The following ERCC3 variants were observed in gnomAD, a reference collection of about 807,000 sequenced individuals.
ERCC3 encodes the protein general transcription and DNA repair factor IIH helicase/translocase subunit XPB.
In ERCC3, 66 loss-of-function variants were observed where a neutral mutation model predicts 94.2. That is an observed-to-expected ratio of 0.70 (90% CI 0.57 to 0.86). The LOEUF is 0.86. ERCC3 is among the 40% of genes least tolerant of loss of function. The probability of loss-of-function intolerance (pLI) is 0.00; values close to 1 mark genes in which losing one functional copy is unlikely to be tolerated. For synonymous variants in ERCC3, 349 were observed against 369.1 expected (o/e 0.95, Z 0.63); for missense variants, 829 against 987.1 (o/e 0.84, Z 2.15).
Position 127,289,717 on chromosome 2 carries a change from A to T in ERCC3, c.629T>A (p.Ile210Asn). 1 of 1,614,112 alleles carries T rather than the reference A, an allele frequency of 6.2e-7. No homozygotes were observed. Residue 210 changes from isoleucine (I) to asparagine (N), a missense_variant, in exon 5 of 15, where the codon ATC becomes AAC. Ile to Asn is a moderately radical substitution (Grantham distance 149). Coordinates refer to ENST00000285398, the MANE Select transcript of ERCC3 (RefSeq NM_000122.2). ...RNSEGEATEL[I>N]TETFTSKSAI... ...AGATTTGCTTGTGAAAGTCTCTGTGATGAGCTCAGTGGCCTCCCCTTCAGA... is the reference window on the plus strand; with the variant it reads ...AGATTTGCTTGTGAAAGTCTCTGTGTTGAGCTCAGTGGCCTCCCCTTCAGA...
intron 12 of ERCC3, among the ~76,000 whole-genome samples, chr2:127,269,396 G>GT: frequency 6.8e-6 from 1 of 147,678 alleles, no homozygotes; most frequent in South Asian, 2.2e-4. Flanking sequence ...AGTGTTTTGA[G>GT]TAAGAAAACA....
In ERCC3 at chr2:127,279,956, T is replaced by C. The variant is rs73953302; in HGVS notation, c.1527+491A>G. Among the ~76,000 whole-genome samples the C allele has an allele frequency of 6.0e-4, 92 of 152,302 alleles. No homozygotes were observed. The highest frequency in any genetic ancestry group is 2.0e-3 in the African/African-American group (82 of 41,554). ...CAAGTGTGCGAAACCAGATTCTCAA[T>C]TGGTAGTGTCAGCAATTCTTCCATT... On this transcript the variant is annotated intron_variant, in intron 9 of 14. Transcript: ENST00000285398. This position sits in a 1 kb window ranked among gnomAD's most constrained non-coding sequence, Gnocchi z 4.7.
rs1040452471 is a variant in ERCC3 at position 127,289,897 on chromosome 2, T to C, written c.522-73A>G. 15 of 1,531,212 alleles carry C rather than the reference T, an allele frequency of 9.8e-6. No homozygotes were observed. The African/African-American group carries it at 1.9e-4, about 19-fold the overall frequency. The allele number at this position is 1,531,212 out of a possible 1,614,324, so 94.9% of individuals were successfully genotyped here. A position where few individuals can be genotyped will look rare whatever the true frequency, so the allele number is the denominator to read the frequency against. Reference sequence around the variant, plus strand: ...CTGGAGATTCCACTGCTCATTCAATTAGATGGTCTGGAAATACAAGCCTCA... The same window carrying C: ...CTGGAGATTCCACTGCTCATTCAATCAGATGGTCTGGAAATACAAGCCTCA... On this transcript the variant is annotated intron_variant, in intron 4 of 14. Coordinates refer to ENST00000285398, the MANE Select transcript of ERCC3 (RefSeq NM_000122.2).
Position 127,271,218 on chromosome 2 carries a change from T to C in ERCC3, c.1945+118A>G, listed in dbSNP as rs896885126. 1.3e-6 allele frequency: 1 copy of C among 789,118 alleles called. No homozygotes were observed. Among genetic ancestry groups the C allele is most frequent in the Admixed American group, 1.7e-5 (1 of 57,654 alleles). The allele number at this position is 789,118 out of a possible 1,614,324, so 48.9% of individuals were successfully genotyped here. On this transcript the variant is annotated intron_variant, in intron 12 of 14. Transcript: ENST00000285398. The surrounding 1 kb of genome is among the most constrained non-coding windows in gnomAD (Gnocchi z 5.0). ...TCTAGGTCTTTGCTTTGGGATTCTC[T>C]CCCTCCAGAGTCTATTTAGCCCCAG...
intron 8 of ERCC3, among the ~76,000 whole-genome samples, chr2:127,286,311 G>A (rs1685064120): frequency 6.6e-6 from 1 of 152,216 alleles, no homozygotes; most frequent in African/African-American, 2.4e-5. Context: ...AGCACTTTGG[G>A]AGGATGAGGT....
Position 127,286,809 on chromosome 2 carries a change from C to T in ERCC3, c.1236G>A (p.Met412Ile), listed in dbSNP as rs2104770996. ...GCSVAISTYS[M>I]LGHTTKRSWE... ...AGGACCTTTTGGTGGTGTGGCCCAG[C>T]ATGGAGTAGGTGCTAATGGCAACGG... The change falls in exon 8 of 15, where the codon ATG (methionine) becomes ATA (isoleucine). Residue 412 changes from methionine (M) to isoleucine (I), a missense_variant. Coordinates refer to ENST00000285398, the MANE Select transcript of ERCC3 (RefSeq NM_000122.2). 6.2e-7 allele frequency: 1 copy of T among 1,614,160 alleles called. No homozygotes were observed. The highest frequency in any genetic ancestry group is 8.5e-7 in the Non-Finnish European group (1 of 1,180,032).
At chr2:127,285,402 A>C (rs1025366752) in intron 8 of ERCC3, among the ~76,000 whole-genome samples, 1 of 152,214 alleles carries the variant, frequency 6.6e-6, no homozygotes, top group Non-Finnish European at 1.5e-5. Flanking sequence ...TCTACTAAAA[A>C]TACAAAAATT....
In ERCC3 at chr2:127,277,965, G is replaced by A. The variant is rs1040822597; in HGVS notation, c.1730+1208C>T. Among the ~76,000 whole-genome samples the A allele has an allele frequency of 6.6e-6, 1 of 152,058 alleles. No individual in the cohort carries two copies. Among genetic ancestry groups the A allele is most frequent in the Admixed American group, 6.5e-5 (1 of 15,278 alleles). On this transcript the variant is annotated intron_variant, in intron 10 of 14. Coordinates refer to ENST00000285398, the MANE Select transcript of ERCC3 (RefSeq NM_000122.2). The surrounding 1 kb of genome is among the most constrained non-coding windows in gnomAD (Gnocchi z 5.1). ...TTAGAAAGATGAAGGCTGGCCAGGT[G>A]TGGTGGCTCATGACTCTAATCCCAG...
Position 127,259,156 on chromosome 2 carries a change from T to A in ERCC3, c.2217+140A>T. 1.1e-6 allele frequency: 1 copy of A among 944,886 alleles called. No homozygotes were observed. Among genetic ancestry groups the A allele is most frequent in the South Asian group, 1.4e-5 (1 of 71,706 alleles). 58.5% of individuals were successfully genotyped at this position (944,886 alleles called of 1,614,324 possible). On this transcript the variant is annotated intron_variant, in intron 14 of 14. Transcript: ENST00000285398. This position sits in a 1 kb window ranked among gnomAD's most constrained non-coding sequence, Gnocchi z 4.9. Reference sequence around the variant, plus strand: ...AAAAGGGCAACAAGGATTGTTTCTGTTCATCTCTTCCGTGTTTTCCAACAT... The same window carrying A: ...AAAAGGGCAACAAGGATTGTTTCTGATCATCTCTTCCGTGTTTTCCAACAT...
rs35007173 is a variant in ERCC3 at position 127,279,759 on chromosome 2, TAA to T, written c.1528-386_1528-385del. On this transcript the variant is annotated intron_variant, in intron 9 of 14. Transcript: ENST00000285398. The surrounding 1 kb of genome is among the most constrained non-coding windows in gnomAD (Gnocchi z 4.7). ...TGGGTGACAGAGTGAGACCCTGTTT[TAA>T]AAAAAAAAAAATGCTATGTGAATTA... Among the ~76,000 whole-genome samples, 352 of 145,374 alleles carry T rather than the reference TAA, an allele frequency of 2.4e-3. 1 individual carries two copies. Among genetic ancestry groups the T allele is most frequent in the African/African-American group, 8.0e-3 (317 of 39,774 alleles).
chr2:127,258,717 C>T lies in ERCC3; in HGVS notation c.2217+579G>A, dbSNP rs572892778. Among the ~76,000 whole-genome samples the T allele has an allele frequency of 6.6e-6, 1 of 152,350 alleles. No individual in the cohort carries two copies. The highest frequency in any genetic ancestry group is 2.1e-4 in the South Asian group (1 of 4,830). On this transcript the variant is annotated intron_variant, in intron 14 of 14. Transcript: ENST00000285398. This position sits in a 1 kb window ranked among gnomAD's most constrained non-coding sequence, Gnocchi z 4.1. The stretch of plus-strand genomic sequence containing the variant: ...GGCCTGCTAATTCTCCATAATGATG[C>T]TCTCACTAATTAGACCATATATTTA...
At position 127,279,420 on chromosome 2, in the gene ERCC3, C is replaced by T. The variant is rs764485707; in HGVS notation, c.1528-45G>A. Reference sequence around the variant, plus strand: ...AGGGGTCATTTTACAAGTTTAAACACCACACAATTTAAAACTTTTGAAGAC... The same window carrying T: ...AGGGGTCATTTTACAAGTTTAAACATCACACAATTTAAAACTTTTGAAGAC... On this transcript the variant is annotated intron_variant, in intron 9 of 14. Transcript: ENST00000285398. The surrounding 1 kb of genome is among the most constrained non-coding windows in gnomAD (Gnocchi z 4.7). The T allele has an allele frequency of 4.2e-6, 6 of 1,435,480 alleles. No individual in the cohort carries two copies. The East Asian group carries it at 1.1e-4, about 27-fold the overall frequency. 88.9% of individuals were successfully genotyped at this position (1,435,480 alleles called of 1,614,324 possible).
chr2:127,288,631 A>T (rs1685159486), intron 7 of ERCC3, 29 bp downstream of exon 7: 2 of 1,593,120 alleles, frequency 1.3e-6, no homozygotes, highest in Admixed American at 3.3e-5. Flanking sequence ...CAACAGCCTG[A>T]CCACCTTCTT....
chr2:127,280,507 G>A lies in ERCC3; in HGVS notation c.1467C>T (p.Tyr489=), dbSNP rs1427623052. The A allele has an allele frequency of 8.7e-6, 14 of 1,613,962 alleles. No homozygotes were observed. The highest frequency in any genetic ancestry group is 3.3e-5 in the South Asian group (3 of 91,044). Residue 489 remains tyrosine (Y), a synonymous_variant, in exon 9 of 15, where the codon TAC becomes TAT. Transcript: ENST00000285398. The surrounding 1 kb of genome is among the most constrained non-coding windows in gnomAD (Gnocchi z 6.3). ...TCTGCAGCTCCATCCAGTTGGCTTCGTAGAGCTTAGGCCCAATCAGAAAAT... is the reference window on the plus strand; with the variant it reads ...TCTGCAGCTCCATCCAGTTGGCTTCATAGAGCTTAGGCCCAATCAGAAAAT... ...DLNFLIGPKL[Y]EANWMELQNN... is the part of the protein sequence containing the mutation.
In ERCC3 at chr2:127,279,241, C is replaced by A; in HGVS notation, c.1662G>T (p.Arg554Ser). The A allele has an allele frequency of 1.2e-6, 2 of 1,613,728 alleles. No homozygotes were observed. Among genetic ancestry groups the A allele is most frequent in the Non-Finnish European group, 1.7e-6 (2 of 1,179,628 alleles). The change falls in exon 10 of 15, where the codon AGG becomes AGT. Residue 554 changes from arginine (R) to serine (S), a missense_variant. Physicochemically the swap from Arg to Ser is moderately radical, Grantham distance 110 (BLOSUM62 -1). Transcript: ENST00000285398. This position sits in a 1 kb window ranked among gnomAD's most constrained non-coding sequence, Gnocchi z 4.7. ...CAGCAAAGACAATAATCTTGTCATT[C>A]CTCCTTTCATGAAACTTGATCAGAA... is the stretch of plus-strand genomic sequence containing the variant. Reference protein sequence around the residue: ...CQFLIKFHERRNDKIIVFADN... With the variant: ...CQFLIKFHERSNDKIIVFADN...
rs760066564 is a variant in ERCC3 at position 127,259,397 on chromosome 2, T to G, written c.2116A>C (p.Lys706Gln). 2 of 1,614,200 alleles carry G rather than the reference T, an allele frequency of 1.2e-6. No homozygotes were observed. The highest frequency in any genetic ancestry group is 2.2e-5 in the South Asian group (2 of 91,086). The change falls in exon 14 of 15, where the codon AAA becomes CAA. Residue 706 changes from lysine to glutamine, a missense_variant. By Grantham distance (53) the Lys-to-Gln change is moderately conservative. Coordinates refer to ENST00000285398, the MANE Select transcript of ERCC3 (RefSeq NM_000122.2). The surrounding 1 kb of genome is among the most constrained non-coding windows in gnomAD (Gnocchi z 4.9). ...MEEEDLAFST[K>Q]EEQQQLLQKV... ...TGTAAGAGCTGCTGTTGCTCTTCTT[T>G]TGTCGAAAACGCCAAGTCTTCCTCC...
intron 2 of ERCC3, 127 bp from the exon 3 acceptor site, chr2:127,292,973 C>G: frequency 1.4e-6 from 1 of 707,506 alleles, no homozygotes; most frequent in Admixed American, 2.0e-5. Context: ...GCAAGCACTC[C>G]TTCAGACAAC....
rs1237926717 is a variant in ERCC3, at chr2:127,261,442, G to A, written c.1946-96C>T. On this transcript the variant is annotated intron_variant, in intron 12 of 14. Transcript: ENST00000285398. ...CCCAGGCTCAAAAGCAAGCACTGGA[G>A]TGGAAAAGCCCTGCACTCGGGGTTA... is the stretch of plus-strand genomic sequence containing the variant. 5 of 841,948 alleles carry A rather than the reference G, an allele frequency of 5.9e-6. No individual in the cohort carries two copies. In the East Asian group the frequency reaches 7.3e-5, roughly 12 times the overall value. The allele number at this position is 841,948 out of a possible 1,614,324, so 52.2% of individuals were successfully genotyped here.
chr2:127,283,230 A>G (rs1282117787), intron 8 of ERCC3, among the ~76,000 whole-genome samples: 3 of 151,968 alleles, frequency 2.0e-5, no homozygotes, highest in Non-Finnish European at 4.4e-5. Context: ...AGCATCCCCC[A>G]AAATTCCCCT....
Sources: allele counts gnomAD v4.1 joint callset (sites outside exome capture counted in the v4.1 genomes callset), GRCh38; gene constraint gnomAD v4.1.1; non-coding constraint Gnocchi (gnomAD v3.1); transcripts MANE v1.5; gene names NCBI Gene and HGNC (gene_info 2026-07-23, HGNC 2026-07-21).